PDCD6IP: variants seen among roughly 807,000 people sequenced by gnomAD.
PDCD6IP encodes programmed cell death 6-interacting protein.
A neutral mutation model predicts 103.7 loss-of-function variants in PDCD6IP; 43 were observed. The ratio of observed to expected loss-of-function variants is 0.41; its 90% CI spans 0.32 to 0.53. The LOEUF (loss-of-function observed/expected upper bound fraction) is 0.53, where lower values mean the gene tolerates loss of function less well. Among genes scored for constraint, PDCD6IP ranks in the 20% least tolerant of loss-of-function variants. The pLI, the probability that PDCD6IP is intolerant of heterozygous loss-of-function variation, is 0.16. For missense variants in PDCD6IP, 871 were observed against 1,036.7 expected, an observed-to-expected ratio of 0.84 and a Z score of 2.20; for synonymous variants, 354 against 378.7, an observed-to-expected ratio of 0.93 and a Z score of 0.76.
At chr3:33,815,374 A>G (rs1378916654) in intron 3 of PDCD6IP, among the ~76,000 whole-genome samples, 1 of 152,142 alleles carries the variant, frequency 6.6e-6, no homozygotes. Context: ...GTACTCTGGA[A>G]GGGACTTCAT....
intron 15 of PDCD6IP, among the ~76,000 whole-genome samples, chr3:33,857,154 G>A (rs1417839201): frequency 1.3e-5 from 2 of 151,834 alleles, no homozygotes; most frequent in Non-Finnish European, 2.9e-5. Flanking sequence ...TAATTAGAAT[G>A]TTTTAAAAAT....
In PDCD6IP at chr3:33,867,547, A is replaced by G. The variant is rs1698092243; in HGVS notation, c.*1022A>G. ...TAAGCCATTTAATTTTTTTTCCTTA[A>G]AGATTGGAGTATTTTATAATTCAAG... On this transcript the variant is annotated 3_prime_UTR_variant, in exon 18 of 18. Coordinates refer to ENST00000307296, the MANE Select transcript of PDCD6IP (RefSeq NM_013374.6). 6.6e-6 allele frequency: 1 copy of G among 152,156 alleles called. No individual in the cohort carries two copies. 9.4% of individuals were successfully genotyped at this position (152,156 alleles called of 1,614,324 possible). A position where few individuals can be genotyped will look rare whatever the true frequency, so the allele number is the denominator to read the frequency against.
intron 1 of PDCD6IP, among the ~76,000 whole-genome samples, chr3:33,809,587 G>T (rs1330468226): frequency 6.6e-6 from 1 of 152,198 alleles, no homozygotes; most frequent in Admixed American, 6.5e-5. Flanking sequence ...ATATTCTCCT[G>T]TATAACCATA....
At position 33,828,931 on chromosome 3, in the gene PDCD6IP, C is replaced by A. The variant is rs1413870401; in HGVS notation, c.796C>A (p.Gln266Lys). The A allele has an allele frequency of 6.2e-7, 1 of 1,609,350 alleles. No individual in the cohort carries two copies. The highest frequency in any genetic ancestry group is 8.5e-7 in the Non-Finnish European group (1 of 1,177,464). The part of the protein sequence containing the change: ...AEYHQSILAK[Q>K]QKKFGEEIAR... ...GTACCATCAGTCTATCCTGGCAAAA[C>A]AGCAGAAGAAATTTGGAGAAGAAAT... The change falls in exon 7 of 18, where the codon CAG becomes AAG. Residue 266 changes from glutamine to lysine, a missense_variant. This residue lies in a region of PDCD6IP where 242 missense variants were observed against 250.7 expected (regional missense o/e 0.97). Transcript: ENST00000307296.
intron 7 of PDCD6IP, among the ~76,000 whole-genome samples, 166 bp downstream of exon 7, chr3:33,829,135 G>T: frequency 6.6e-6 from 1 of 151,834 alleles, no homozygotes; most frequent in African/African-American, 2.4e-5. Flanking sequence ...TTTTTTTGAG[G>T]TCTCATATTT....
At chr3:33,818,644 G>A (rs1394033270) in intron 3 of PDCD6IP, among the ~76,000 whole-genome samples, 2 of 148,562 alleles carry the variant, frequency 1.3e-5, no homozygotes, top group Admixed American at 6.8e-5. Context: ...TCAGCTTTCC[G>A]AGTAGCTGGG....
At chr3:33,821,835 C>A (rs906961704) in intron 3 of PDCD6IP, 120 bp from the exon 4 acceptor site, 25 of 911,906 alleles carry the variant, frequency 2.7e-5, no homozygotes, top group Admixed American at 1.1e-4. Flanking sequence ...GAAAACAGGT[C>A]TGGAAACTTG....
At chr3:33,822,813 G>A (rs1006017704) in intron 4 of PDCD6IP, among the ~76,000 whole-genome samples, 1 of 151,844 alleles carries the variant, frequency 6.6e-6, no homozygotes, top group Non-Finnish European at 1.5e-5. Context: ...CCGCCACCTC[G>A]CCTGGCTAAT....
At chr3:33,862,774 T>C (rs1356184835) in intron 15 of PDCD6IP, among the ~76,000 whole-genome samples, 3 of 152,216 alleles carry the variant, frequency 2.0e-5, no homozygotes, top group African/African-American at 7.2e-5. Flanking sequence ...AAACATTAGC[T>C]ACATAACTAT....
chr3:33,826,884 C>G (rs1697138965), intron 6 of PDCD6IP: 2 of 1,079,544 alleles, frequency 1.9e-6, no homozygotes, highest in African/African-American at 1.8e-5. Flanking sequence ...TTGTGTAGTT[C>G]TGAATCATTG....
Position 33,829,480 on chromosome 3 carries a change from T to C in PDCD6IP, c.834+511T>C, listed in dbSNP as rs941955423. Among the ~76,000 whole-genome samples the C allele has an allele frequency of 3.4e-4, 51 of 149,264 alleles. No individual in the cohort carries two copies. In the Admixed American group the frequency reaches 3.5e-3, roughly 10 times the overall value. On this transcript the variant is annotated intron_variant, in intron 7 of 17. Transcript: ENST00000307296. The stretch of plus-strand genomic sequence containing the variant: ...TTGAGGACGACAGTGGAGAGATGTG[T>C]GTGCATATATATATATATACACACA...
chr3:33,819,783 C>T (rs778046221), intron 3 of PDCD6IP, among the ~76,000 whole-genome samples: 1 of 152,312 alleles, frequency 6.6e-6, no homozygotes, highest in Non-Finnish European at 1.5e-5. Context: ...TCTTGAATTC[C>T]AAACTGATTG....
At chr3:33,850,216 CA>C (rs1257136653) in intron 12 of PDCD6IP, among the ~76,000 whole-genome samples, 3 of 152,136 alleles carry the variant, frequency 2.0e-5, no homozygotes, top group Non-Finnish European at 4.4e-5. Context: ...CTTGATTGCA[CA>C]GTAACTAAGT....
At chr3:33,824,971 T>G (rs1697083906) in intron 4 of PDCD6IP, among the ~76,000 whole-genome samples, 2 of 152,240 alleles carry the variant, frequency 1.3e-5, no homozygotes, top group African/African-American at 4.8e-5. Flanking sequence ...TGTAATTTAC[T>G]TTTAATCTTT....
intron 9 of PDCD6IP, 103 bp downstream of exon 9, chr3:33,838,430 T>G: frequency 9.0e-7 from 1 of 1,106,690 alleles, no homozygotes; most frequent in South Asian, 1.6e-5. Context: ...CAAGAGTATA[T>G]AAAATAGAAA....
intron 9 of PDCD6IP, 133 bp downstream of exon 9, chr3:33,838,460 A>G (rs1697400163): frequency 2.5e-6 from 2 of 794,704 alleles, no homozygotes; most frequent in South Asian, 4.4e-5. Context: ...CACACTTACA[A>G]CTATTTTTGT....
intron 3 of PDCD6IP, among the ~76,000 whole-genome samples, chr3:33,816,526 AAAG>A (rs1696856863): frequency 6.6e-6 from 1 of 151,436 alleles, no homozygotes; most frequent in African/African-American, 2.4e-5. Context: ...AAAAAAAAAA[AAAG>A]AAAATATCTC....
chr3:33,823,100 ACT>A (rs1293425132), intron 4 of PDCD6IP, among the ~76,000 whole-genome samples: 4 of 152,076 alleles, frequency 2.6e-5, no homozygotes, highest in African/African-American at 4.8e-5. Context: ...ACATTATTTG[ACT>A]CTCAGATAAA....
At chr3:33,850,548 A>G (rs1697691452) in intron 12 of PDCD6IP, among the ~76,000 whole-genome samples, 1 of 152,088 alleles carries the variant, frequency 6.6e-6, no homozygotes, top group Non-Finnish European at 1.5e-5. Flanking sequence ...CAAATTATGC[A>G]TACATATGTA....
Sources: allele counts gnomAD v4.1 joint callset (sites outside exome capture counted in the v4.1 genomes callset), GRCh38; gene constraint gnomAD v4.1.1; regional missense constraint gnomAD v4.1.1; transcripts MANE v1.5; gene names NCBI Gene and HGNC (gene_info 2026-07-23, HGNC 2026-07-21).